The following ANKRD36 variants were observed in gnomAD, a reference collection of about 807,000 sequenced individuals.
ANKRD36 encodes ankyrin repeat domain-containing protein 36A.
Under a neutral mutation model 278.1 loss-of-function variants are expected in ANKRD36, and 179 were observed. That is an observed-to-expected ratio of 0.64 (90% CI 0.57 to 0.73). ANKRD36 has a LOEUF of 0.73. Among genes scored for constraint, ANKRD36 ranks in the 30% least tolerant of loss-of-function variants. The probability of loss-of-function intolerance (pLI) is 0.00; values close to 1 mark genes in which losing one functional copy is unlikely to be tolerated. For missense variants in ANKRD36, 1,159 were observed against 1,956.7 expected, an observed-to-expected ratio of 0.59 and a Z score of 7.69; for synonymous variants, 320 against 641.1, an observed-to-expected ratio of 0.50 and a Z score of 7.57.
intron 6 of ANKRD36, among the ~76,000 whole-genome samples, chr2:97,139,215 C>T (rs939961592): frequency 1.3e-5 from 2 of 151,754 alleles, no homozygotes; most frequent in African/African-American, 4.8e-5. Flanking sequence ...TTAAGACAGT[C>T]ATTCTGAGCT....
chr2:97,232,143 T>C (rs1217614912), intron 67 of ANKRD36, among the ~76,000 whole-genome samples: 1 of 152,076 alleles, frequency 6.6e-6, no homozygotes, highest in Non-Finnish European at 1.5e-5. Context: ...AGTTTGATAT[T>C]AAACTTTAAT....
chr2:97,146,452 T>G, intron 10 of ANKRD36, 34 bp from the exon 11 acceptor site: 1 of 1,469,402 alleles, frequency 6.8e-7, no homozygotes, highest in Non-Finnish European at 9.1e-7. Flanking sequence ...TTCCTATTGT[T>G]GATTTAAAAT....
In ANKRD36 at chr2:97,206,837, G is replaced by T. The variant is rs969281358; in HGVS notation, c.3163+702G>T. On this transcript the variant is annotated intron_variant, in intron 52 of 75. Coordinates refer to ENST00000420699, the MANE Select transcript of ANKRD36 (RefSeq NM_001354587.1). The stretch of plus-strand genomic sequence containing the variant: ...GAGATACATGTTTTGTTGATTTTAG[G>T]TATAGAAATCAGACAAACTTGAATC... 5.9e-5 allele frequency among the ~76,000 whole-genome samples: 9 copies of T among 151,396 alleles called. 1 individual carries two copies. Among genetic ancestry groups the T allele is most frequent in the East Asian group, 1.9e-4 (1 of 5,134 alleles).
At chr2:97,114,201 G>A (rs1445454077) in intron 1 of ANKRD36, among the ~76,000 whole-genome samples, 1 of 108,762 alleles carries the variant, frequency 9.2e-6, no homozygotes, top group African/African-American at 3.8e-5. Flanking sequence ...TGAGGTGGAC[G>A]GAATGAAGGC....
At chr2:97,173,480 T>C (rs2053267018) in intron 22 of ANKRD36, among the ~76,000 whole-genome samples, 2 of 151,848 alleles carry the variant, frequency 1.3e-5, no homozygotes. Context: ...AAGGAATTTG[T>C]ACACGTTAGT....
intron 22 of ANKRD36, among the ~76,000 whole-genome samples, chr2:97,172,384 C>G (rs1242158466): frequency 6.6e-6 from 1 of 151,868 alleles, no homozygotes; most frequent in East Asian, 1.9e-4. Context: ...GCATATTATG[C>G]TCTCTTCATG....
intron 6 of ANKRD36, among the ~76,000 whole-genome samples, chr2:97,127,502 C>A (rs2038929232): frequency 6.6e-6 from 1 of 151,696 alleles, no homozygotes; most frequent in Non-Finnish European, 1.5e-5. Flanking sequence ...AAATTCTTTG[C>A]AATTACTAAA....
At chr2:97,161,868 G>A (rs2048972467) in intron 17 of ANKRD36, among the ~76,000 whole-genome samples, 1 of 152,224 alleles carries the variant, frequency 6.6e-6, no homozygotes, top group Admixed American at 6.5e-5. Context: ...TGCTGTCACT[G>A]TATTTTATTG....
intron 38 of ANKRD36, among the ~76,000 whole-genome samples, chr2:97,193,805 G>T (rs540543593): frequency 1.3e-5 from 2 of 151,616 alleles, no homozygotes; most frequent in South Asian, 4.2e-4. Context: ...CTTGTTCAAG[G>T]AGCTACCTCT....
chr2:97,174,737 A>T (rs948196000), intron 22 of ANKRD36, among the ~76,000 whole-genome samples: 1 of 151,896 alleles, frequency 6.6e-6, no homozygotes, highest in East Asian at 1.9e-4. Flanking sequence ...GTTTTTGCCC[A>T]TTCAGTATGA....
intron 22 of ANKRD36, among the ~76,000 whole-genome samples, chr2:97,172,267 G>T (rs2052798805): frequency 6.6e-6 from 1 of 151,876 alleles, no homozygotes; most frequent in East Asian, 1.9e-4. Flanking sequence ...AATGCAACTT[G>T]GTCTTTGTAA....
At chr2:97,198,203 G>A (rs1171284078) in intron 42 of ANKRD36, among the ~76,000 whole-genome samples, 1 of 151,910 alleles carries the variant, frequency 6.6e-6, no homozygotes, top group African/African-American at 2.4e-5. Context: ...CACGTTGATA[G>A]TGACACGGTT....
intron 12 of ANKRD36, among the ~76,000 whole-genome samples, chr2:97,150,942 T>C (rs2045802202): frequency 1.3e-5 from 2 of 151,992 alleles, no homozygotes; most frequent in Admixed American, 6.6e-5. Flanking sequence ...TCAATCATCA[T>C]GGTTAACTCT....
At chr2:97,173,482 C>T (rs1235662538) in intron 22 of ANKRD36, among the ~76,000 whole-genome samples, 1 of 151,778 alleles carries the variant, frequency 6.6e-6, no homozygotes, top group African/African-American at 2.4e-5. Flanking sequence ...GGAATTTGTA[C>T]ACGTTAGTCA....
chr2:97,179,581 A>G (rs2055506507), intron 22 of ANKRD36, among the ~76,000 whole-genome samples, 157 bp from the exon 23 acceptor site: 1 of 151,522 alleles, frequency 6.6e-6, no homozygotes, highest in African/African-American at 2.4e-5. Context: ...TATTTCCTTC[A>G]TGTTTAGTCC....
chr2:97,159,534 A>T (rs1330628934), intron 17 of ANKRD36, among the ~76,000 whole-genome samples: 1 of 151,756 alleles, frequency 6.6e-6, no homozygotes, highest in East Asian at 2.0e-4. Context: ...TTCATAGATA[A>T]TGCAAAATAA....
In ANKRD36 at chr2:97,219,451, T is replaced by TTTTTTTGTTTTGTTTTG. The variant is rs1176889065; in HGVS notation, c.3877+234_3877+250dup. Among the ~76,000 whole-genome samples the TTTTTTTGTTTTGTTTTG allele has an allele frequency of 2.7e-3, 418 of 152,088 alleles. 3 individuals are homozygous for TTTTTTTGTTTTGTTTTG. The highest frequency in any genetic ancestry group is 9.1e-3 in the African/African-American group (376 of 41,458). On this transcript the variant is annotated intron_variant, in intron 66 of 75. Coordinates refer to ENST00000420699, the MANE Select transcript of ANKRD36 (RefSeq NM_001354587.1). Reference sequence around the variant, plus strand: ...GAAAATATATTTTTAAAACATAAGGTTTTTTTGTTTTGTTTTGTTTTTTGT... The same window carrying TTTTTTTGTTTTGTTTTG: ...GAAAATATATTTTTAAAACATAAGGTTTTTTTGTTTTGTTTTGTTTTTTGTTTTGTTTTGTTTTTTGT...
At chr2:97,155,893 C>CT (rs1305962872) in intron 15 of ANKRD36, among the ~76,000 whole-genome samples, 4 of 145,526 alleles carry the variant, frequency 2.7e-5, no homozygotes, top group South Asian at 2.1e-4. Flanking sequence ...GGGAAATGGG[C>CT]TTTTTTTTAA....
rs549287200 is a variant in ANKRD36 at position 97,157,060 on chromosome 2, C to T, written c.1261-1047C>T. 2.2e-3 allele frequency among the ~76,000 whole-genome samples: 338 copies of T among 151,482 alleles called. 2 individuals are homozygous for T. Among genetic ancestry groups the T allele is most frequent in the Non-Finnish European group, 1.6e-3 (108 of 67,914 alleles). On this transcript the variant is annotated intron_variant, in intron 15 of 75. Coordinates refer to ENST00000420699, the MANE Select transcript of ANKRD36 (RefSeq NM_001354587.1). ...TGTTCAAGGACATACATTACTCTTT[C>T]GAATTCTGAATAAAAATCCTTTCTC...
Sources: allele counts gnomAD v4.1 joint callset (sites outside exome capture counted in the v4.1 genomes callset), GRCh38; gene constraint gnomAD v4.1.1; transcripts MANE v1.5; gene names NCBI Gene and HGNC (gene_info 2026-07-23, HGNC 2026-07-21).